GLUD1: variants seen among roughly 807,000 people sequenced by gnomAD.
GLUD1 encodes the protein glutamate dehydrogenase 1, mitochondrial.
GLUD1 carries 22 observed loss-of-function variants against 56.0 expected under a neutral mutation model. That is an observed-to-expected ratio of 0.39 (90% CI 0.28 to 0.56). GLUD1 has a LOEUF of 0.56. GLUD1 is among the 20% of genes least tolerant of loss of function. The pLI is 0.58. For synonymous variants in GLUD1, 223 were observed against 269.9 expected (o/e 0.83, Z 1.70); for missense variants, 451 against 732.0 (o/e 0.62, Z 4.43).
intron 1 of GLUD1, among the ~76,000 whole-genome samples, chr10:87,085,061 T>C (rs1367157589): frequency 6.6e-6 from 1 of 152,118 alleles, no homozygotes; most frequent in Non-Finnish European, 1.5e-5. Flanking sequence ...GTACACACTT[T>C]AGGCTGGGCG....
chr10:87,060,986 C>G lies in GLUD1; in HGVS notation c.988G>C (p.Val330Leu). The change falls in exon 7 of 13, where the codon GTT becomes CTT. Residue 330 changes from valine (V) to leucine (L), a missense_variant. Transcript: ENST00000277865. ...LHRFGAKCIA[V>L]GESDGSIWNP... ...CATATACTCCCATCAGACTCACCAA[C>G]AGCAATACATTTAGCACCAAAACGA... 3.1e-6 allele frequency: 5 copies of G among 1,613,956 alleles called. No individual in the cohort carries two copies. The highest frequency in any genetic ancestry group is 4.2e-6 in the Non-Finnish European group (5 of 1,179,836).
At chr10:87,075,665 C>G (rs1846367725) in intron 3 of GLUD1, among the ~76,000 whole-genome samples, 1 of 152,254 alleles carries the variant, frequency 6.6e-6, no homozygotes, top group Non-Finnish European at 1.5e-5. Context: ...CTCATGCCTG[C>G]AATCCTAGCA....
intron 1 of GLUD1, chr10:87,093,792 C>T: frequency 1.8e-6 from 1 of 566,578 alleles, no homozygotes; most frequent in African/African-American, 1.9e-5. Flanking sequence ...TTAGTAAATT[C>T]CTTTGGTTAA....
intron 11 of GLUD1, among the ~76,000 whole-genome samples, chr10:87,053,847 C>T (rs966262055): frequency 6.6e-6 from 1 of 152,074 alleles, no homozygotes; most frequent in African/African-American, 2.4e-5. Flanking sequence ...AACCCCATAG[C>T]GGCTTTGGGG....
In GLUD1 at chr10:87,068,063, A is replaced by G. The variant is rs1423332435; in HGVS notation, c.741T>C (p.Tyr247=). The G allele has an allele frequency of 6.3e-7, 1 of 1,579,172 alleles. No homozygotes were observed. Among genetic ancestry groups the G allele is most frequent in the Non-Finnish European group, 8.7e-7 (1 of 1,148,022 alleles). The change falls in exon 5 of 13, where the codon TAT becomes TAC. Residue 247 remains tyrosine, a splice_region_variant and synonymous_variant. Transcript: ENST00000277865. ...ADTYASTIGH[Y]DINAHACVTG... is the part of the protein sequence containing the mutation. ...CTCGGGGCTTCCAGTGGGTACTCAC[A>G]TAGTGCCCTATGGTGCTGGCATAGG... is the stretch of plus-strand genomic sequence containing the variant.
rs144538577 is a variant in GLUD1, at chr10:87,062,147, G to A, written c.921+509C>T. On this transcript the variant is annotated intron_variant, in intron 6 of 12. Coordinates refer to ENST00000277865, the MANE Select transcript of GLUD1 (RefSeq NM_005271.5). ...TGGCCAGGCTGGTCTCGAACTCCTGGCCTCAAGTGATCCACCCGTCTTGGC... is the reference window on the plus strand; with the variant it reads ...TGGCCAGGCTGGTCTCGAACTCCTGACCTCAAGTGATCCACCCGTCTTGGC... Among the ~76,000 whole-genome samples the A allele has an allele frequency of 7.7e-3, 1,165 of 152,132 alleles. 17 individuals are homozygous for A. Among genetic ancestry groups the A allele is most frequent in the African/African-American group, 0.027 (1,121 of 41,524 alleles).
intron 5 of GLUD1, among the ~76,000 whole-genome samples, chr10:87,066,210 G>C (rs900397390): frequency 1.3e-5 from 2 of 151,950 alleles, no homozygotes; most frequent in Admixed American, 6.6e-5. Flanking sequence ...CTTCTCTCCG[G>C]TGCCATTTTT....
chr10:87,089,452 T>C (rs1841462227), intron 1 of GLUD1: 2 of 175,576 alleles, frequency 1.1e-5, no homozygotes, highest in African/African-American at 4.8e-5. Flanking sequence ...GAAAAGTTCT[T>C]ACATGCATTG....
At chr10:87,057,044 G>A (rs1475248697) in intron 11 of GLUD1, among the ~76,000 whole-genome samples, 1 of 152,076 alleles carries the variant, frequency 6.6e-6, no homozygotes, top group Non-Finnish European at 1.5e-5. Context: ...AGGCTAGAGT[G>A]CAGTGGTGCA....
In GLUD1 at chr10:87,060,956, G is replaced by C; in HGVS notation, c.1018C>G (p.Pro340Ala). The C allele has an allele frequency of 6.2e-7, 1 of 1,614,024 alleles. No homozygotes were observed. Among genetic ancestry groups the C allele is most frequent in the Non-Finnish European group, 8.5e-7 (1 of 1,179,952 alleles). ...AGTTCCTTTGGGTCAATACCATCTG[G>C]ATTCCATATACTCCCATCAGACTCA... is the stretch of plus-strand genomic sequence containing the variant. ...VGESDGSIWNPDGIDPKELED... is the reference protein window; with the variant it reads ...VGESDGSIWNADGIDPKELED... Residue 340 changes from proline (P) to alanine (A), a missense_variant, in exon 7 of 13, where the codon CCA becomes GCA. Physicochemically the swap from Pro to Ala is conservative, Grantham distance 27. Coordinates refer to ENST00000277865, the MANE Select transcript of GLUD1 (RefSeq NM_005271.5).
Position 87,050,239 on chromosome 10 carries a change from G to A in GLUD1, c.*1512C>T, listed in dbSNP as rs1453928835. 6.6e-6 allele frequency among the ~76,000 whole-genome samples: 1 copy of A among 151,286 alleles called. No individual in the cohort carries two copies. Among genetic ancestry groups the A allele is most frequent in the Admixed American group, 6.6e-5 (1 of 15,170 alleles). ...TATTTAATAAAATACAAAATAATTC[G>A]AGAATAAAGACTATGCTTTCAGGGA... On this transcript the variant is annotated 3_prime_UTR_variant, in exon 13 of 13. Coordinates refer to ENST00000277865, the MANE Select transcript of GLUD1 (RefSeq NM_005271.5).
At chr10:87,091,932 A>AT (rs1841518971) in intron 1 of GLUD1, among the ~76,000 whole-genome samples, 1 of 152,142 alleles carries the variant, frequency 6.6e-6, no homozygotes, top group Non-Finnish European at 1.5e-5. Context: ...AACGTGTTAA[A>AT]ATATGTTTAA....
At chr10:87,089,650 C>T (rs774489076) in intron 1 of GLUD1, 194 of 984,692 alleles carry the variant, frequency 2.0e-4, no homozygotes, top group Non-Finnish European at 2.2e-4. Flanking sequence ...TAAAGATAAT[C>T]GGAAGGTCTT....
In GLUD1 at chr10:87,076,789, C is replaced by A. The variant is rs1278827150; in HGVS notation, c.446-133G>T. ...CCACTTTTTACATTTTACATCCAAG[C>A]TATGTCCAAAAACACTTGAAGCAGC... On this transcript the variant is annotated intron_variant, in intron 1 of 12. Coordinates refer to ENST00000277865, the MANE Select transcript of GLUD1 (RefSeq NM_005271.5). The A allele has an allele frequency of 7.0e-6, 5 of 712,346 alleles. No individual in the cohort carries two copies. In the African/African-American group the frequency reaches 8.8e-5, roughly 13 times the overall value. The allele number at this position is 712,346 out of a possible 1,614,324, so 44.1% of individuals were successfully genotyped here. A position where few individuals can be genotyped will look rare whatever the true frequency, so the allele number is the denominator to read the frequency against.
In GLUD1 at chr10:87,092,648, T is replaced by C. The variant is rs1487221975; in HGVS notation, c.445+1677A>G. The C allele has an allele frequency of 4.1e-6, 4 of 975,060 alleles. No individual in the cohort carries two copies. In the African/African-American group the frequency reaches 5.2e-5, roughly 13 times the overall value. 60.4% of individuals were successfully genotyped at this position (975,060 alleles called of 1,614,324 possible). A position where few individuals can be genotyped will look rare whatever the true frequency, so the allele number is the denominator to read the frequency against. ...GCGACTTATAAAAACAGGAGAGAGCTGGGCATCTGAAGAATCGAAGAAAAA... is the reference window on the plus strand; with the variant it reads ...GCGACTTATAAAAACAGGAGAGAGCCGGGCATCTGAAGAATCGAAGAAAAA... On this transcript the variant is annotated intron_variant, in intron 1 of 12. Coordinates refer to ENST00000277865, the MANE Select transcript of GLUD1 (RefSeq NM_005271.5).
chr10:87,069,067 T>C (rs1335682421), intron 4 of GLUD1, among the ~76,000 whole-genome samples: 5 of 151,854 alleles, frequency 3.3e-5, no homozygotes, highest in Admixed American at 3.3e-4. Flanking sequence ...AACATACATA[T>C]GGAAAAAGGC....
chr10:87,082,531 CTAT>C (rs1371159405), intron 1 of GLUD1, among the ~76,000 whole-genome samples: 1 of 152,106 alleles, frequency 6.6e-6, no homozygotes, highest in African/African-American at 2.4e-5. Context: ...ACAGGAGGAG[CTAT>C]AAAGAAAGTA....
At chr10:87,080,496 C>T (rs1312532202) in intron 1 of GLUD1, among the ~76,000 whole-genome samples, 14 of 150,102 alleles carry the variant, frequency 9.3e-5, no homozygotes, top group Middle Eastern at 3.5e-3. Flanking sequence ...AAGTGAGGAG[C>T]GCCTCTTCCC....
At chr10:87,072,599 T>G (rs1459218375) in intron 4 of GLUD1, among the ~76,000 whole-genome samples, 2 of 152,242 alleles carry the variant, frequency 1.3e-5, no homozygotes, top group Non-Finnish European at 2.9e-5. Context: ...ATGAGGCTTT[T>G]GCACATTAAG....
Sources: allele counts gnomAD v4.1 joint callset (sites outside exome capture counted in the v4.1 genomes callset), GRCh38; gene constraint gnomAD v4.1.1; transcripts MANE v1.5; gene names NCBI Gene and HGNC (gene_info 2026-07-23, HGNC 2026-07-21).